Variants in NME1 observed in about 807,000 individuals in gnomAD.
NME1 encodes NME/NM23 nucleoside diphosphate kinase 1.
A neutral mutation model predicts 17.2 loss-of-function variants in NME1; 9 were observed. The observed-to-expected ratio is 0.52, with a 90% CI of 0.32 to 0.92. The LOEUF (loss-of-function observed/expected upper bound fraction) is 0.92. Ranked by LOEUF, NME1 falls within the 40% of genes least tolerant of loss-of-function variation. The pLI is 0.04. For missense variants in NME1, 169 were observed against 201.7 expected (o/e 0.84, Z 0.98); for synonymous variants, 72 against 70.8 (o/e 1.02, Z -0.09).
At chr17:51,155,931 G>C (rs2049779923) in intron 2 of NME1, 151 bp downstream of exon 2, 2 of 1,274,416 alleles carry the variant, frequency 1.6e-6, no homozygotes, top group African/African-American at 3.0e-5. Flanking sequence ...CAGTGCCCTA[G>C]CGTTTGGCTA....
chr17:51,161,652 G>T, intron 4 of NME1, 76 bp from the exon 5 acceptor site: 1 of 1,048,626 alleles, frequency 9.5e-7, no homozygotes, highest in Non-Finnish European at 1.5e-6. Flanking sequence ...ATGCTGCTGT[G>T]GCTGTAGATT....
intron 1 of NME1, chr17:51,153,920 G>A (rs16949654): frequency 0.012 from 2,222 of 183,880 alleles, 38 homozygotes; most frequent in African/African-American, 0.045. Flanking sequence ...TGTGTCTGTC[G>A]AGAGCAGTGC....
rs114178558 is a variant in NME1, at chr17:51,159,386, C to T, written c.127-594C>T. ...GAGGCCAAGGCAGGCAGATCACCTG[C>T]GGTCACCTGAGACCAGCCTGGCCAA... On this transcript the variant is annotated intron_variant, in intron 2 of 4. Coordinates refer to ENST00000393196, the MANE Select transcript of NME1 (RefSeq NM_000269.3). Among the ~76,000 whole-genome samples, 707 of 152,292 alleles carry T rather than the reference C, an allele frequency of 4.6e-3. 8 individuals are homozygous for T. Among genetic ancestry groups the T allele is most frequent in the African/African-American group, 0.016 (673 of 41,574 alleles).
In NME1 at chr17:51,162,073, T is replaced by G. The variant is rs2049872238; in HGVS notation, c.*228T>G. The G allele has an allele frequency of 4.0e-6, 2 of 503,096 alleles. No homozygotes were observed. The highest frequency in any genetic ancestry group is 7.2e-6 in the Non-Finnish European group (2 of 277,040). The allele number at this position is 503,096 out of a possible 1,614,324, so 31.2% of individuals were successfully genotyped here. On this transcript the variant is annotated 3_prime_UTR_variant, in exon 5 of 5. Transcript: ENST00000393196. ...AGTTGGTTACTTCATATTGTTGCAT[T>G]GCTTTTTTTTCCTTCTTTTCATGTA...
intron 1 of NME1, 66 bp from the exon 2 acceptor site, chr17:51,155,585 T>A: frequency 6.2e-7 from 1 of 1,604,262 alleles, no homozygotes; most frequent in East Asian, 2.2e-5. Context: ...ATAATCCGCT[T>A]GAGACGGATG....
chr17:51,157,041 G>A (rs1304616384), intron 2 of NME1, among the ~76,000 whole-genome samples: 1 of 151,672 alleles, frequency 6.6e-6, no homozygotes, highest in Non-Finnish European at 1.5e-5. Context: ...AAATCAAATA[G>A]GGGATAGTAT....
intron 4 of NME1, 90 bp downstream of exon 4, chr17:51,161,362 C>A: frequency 8.4e-7 from 1 of 1,194,974 alleles, no homozygotes; most frequent in Non-Finnish European, 1.2e-6. Context: ...AGACATGATA[C>A]CATATGCAGG....
intron 1 of NME1, among the ~76,000 whole-genome samples, chr17:51,155,085 A>C (rs1965635): frequency 0.014 from 2,139 of 149,314 alleles, 39 homozygotes; most frequent in African/African-American, 0.046. Flanking sequence ...AGTAAAAAAA[A>C]ATACAGAAAT....
chr17:51,160,342 T>C (rs938880404), intron 3 of NME1: 4 of 546,822 alleles, frequency 7.3e-6, no homozygotes, highest in African/African-American at 5.6e-5. Flanking sequence ...GCGATCTGAA[T>C]GACAAGAAGC....
chr17:51,161,509 G>A, intron 4 of NME1: 2 of 663,798 alleles, frequency 3.0e-6, no homozygotes, highest in Admixed American at 2.5e-5. Flanking sequence ...AGTCTTTCCT[G>A]AAGGCTCTCA....
intron 2 of NME1, among the ~76,000 whole-genome samples, chr17:51,156,892 CA>C (rs71355724): frequency 2.3e-3 from 196 of 86,888 alleles, no homozygotes; most frequent in South Asian, 9.5e-3. Flanking sequence ...ACTCCATCTC[CA>C]AAAAAAAAAA....
intron 2 of NME1, chr17:51,156,040 A>G (rs2049781118): frequency 2.5e-6 from 1 of 394,942 alleles, no homozygotes; most frequent in South Asian, 2.1e-5. Context: ...TCCACATATG[A>G]CTGCATCTCT....
intron 1 of NME1, 21 bp from the exon 2 acceptor site, chr17:51,155,630 C>G (rs2049774417): frequency 3.7e-6 from 6 of 1,612,944 alleles, no homozygotes; most frequent in Non-Finnish European, 5.1e-6. Context: ...CTGTTTCATT[C>G]CTCTACCTGC....
chr17:51,159,875 C>A, intron 2 of NME1, 105 bp from the exon 3 acceptor site: 1 of 1,352,504 alleles, frequency 7.4e-7, no homozygotes, highest in South Asian at 1.2e-5. Context: ...TCAGTGAGCC[C>A]AACCGCTCAT....
chr17:51,155,347 G>A (rs1475321844), intron 1 of NME1, among the ~76,000 whole-genome samples: 1 of 151,988 alleles, frequency 6.6e-6, no homozygotes, highest in Non-Finnish European at 1.5e-5. Flanking sequence ...ACAAGAGTTC[G>A]AGACCAGCGT....
chr17:51,158,282 A>G (rs986764593), intron 2 of NME1, among the ~76,000 whole-genome samples: 1 of 151,854 alleles, frequency 6.6e-6, no homozygotes, highest in African/African-American at 2.4e-5. Flanking sequence ...CCTGTCTCAA[A>G]AAAAGATAAT....
rs750895831 is a variant in NME1 at position 51,161,148 on chromosome 17, C to T, written c.229-12C>T. On this transcript the variant is annotated splice_polypyrimidine_tract_variant and intron_variant, in intron 3 of 4. Transcript: ENST00000393196. ...TTTTCTTCTTTGACCATATCTTCTTCTGTCCTTGGAGGTCTGGGAGGGGCT... is the reference window on the plus strand; with the variant it reads ...TTTTCTTCTTTGACCATATCTTCTTTTGTCCTTGGAGGTCTGGGAGGGGCT... 8 of 1,604,708 alleles carry T rather than the reference C, an allele frequency of 5.0e-6. No homozygotes were observed. In the African/African-American group the frequency reaches 9.4e-5, roughly 19 times the overall value.
rs2049744024 is a variant in NME1, at chr17:51,153,862, G to A, written c.-5+200G>A. 4 of 167,818 alleles carry A rather than the reference G, an allele frequency of 2.4e-5. 1 individual carries two copies. The South Asian group carries it at 5.0e-4, about 21-fold the overall frequency. 10.4% of individuals were successfully genotyped at this position (167,818 alleles called of 1,614,324 possible). A position where few individuals can be genotyped will look rare whatever the true frequency, so the allele number is the denominator to read the frequency against. On this transcript the variant is annotated intron_variant, in intron 1 of 4. Transcript: ENST00000393196. ...CACGCCACGTGGACTCGCCTTTGTCGGTGGCCGCCTTTCTCGTCAGGCCGC... is the reference window on the plus strand; with the variant it reads ...CACGCCACGTGGACTCGCCTTTGTCAGTGGCCGCCTTTCTCGTCAGGCCGC...
intron 1 of NME1, chr17:51,154,132 C>T: frequency 1.9e-6 from 1 of 515,268 alleles, no homozygotes; most frequent in South Asian, 2.2e-5. Flanking sequence ...TGCGATTCTC[C>T]GCAGTCTTTG....
Sources: gnomAD v4.1 joint callset for allele counts (sites outside exome capture counted in the v4.1 genomes callset) on GRCh38, gnomAD v4.1.1 for gene constraint, MANE v1.5 for transcripts, NCBI Gene and HGNC (gene_info 2026-07-23, HGNC 2026-07-21) for gene names.